ATP6V0A2: variants seen among roughly 807,000 people sequenced by gnomAD.
ATP6V0A2 encodes ATPase H+ transporting V0 subunit a2, also known as V-type proton ATPase 116 kDa subunit a 2.
ATP6V0A2 carries 58 observed loss-of-function variants against 104.4 expected under a neutral mutation model. The observed-to-expected ratio is 0.56, with a 90% CI of 0.45 to 0.69. The LOEUF (loss-of-function observed/expected upper bound fraction) is 0.69, where lower values mean the gene tolerates loss of function less well. ATP6V0A2 is among the 30% of genes least tolerant of loss of function. ATP6V0A2 has a pLI of 0.00. For missense variants in ATP6V0A2, 938 were observed against 1,062.9 expected (o/e 0.88, Z 1.63); for synonymous variants, 376 against 397.9 (o/e 0.95, Z 0.65).
chr12:123,756,968 A>G lies in ATP6V0A2; in HGVS notation c.2447A>G (p.His816Arg). Residue 816 changes from histidine (H) to arginine (R), a missense_variant, in exon 19 of 20, where the codon CAC becomes CGC. His to Arg is a conservative substitution (Grantham distance 29). Coordinates refer to ENST00000330342, the MANE Select transcript of ATP6V0A2 (RefSeq NM_012463.4). ...LIMEGLSAFLHAIRLHWVEFQ... is the reference protein window; with the variant it reads ...LIMEGLSAFLRAIRLHWVEFQ... ...ATGGAAGGGCTTTCTGCGTTTCTTC[A>G]CGCCATACGCCTCCACTGGTGAGTT... 1 of 1,613,982 alleles carries G rather than the reference A, an allele frequency of 6.2e-7. No individual in the cohort carries two copies. Among genetic ancestry groups the G allele is most frequent in the Non-Finnish European group, 8.5e-7 (1 of 1,180,018 alleles).
intron 6 of ATP6V0A2, chr12:123,731,419 C>G (rs1416420865): frequency 1.3e-5 from 2 of 152,228 alleles, no homozygotes; most frequent in African/African-American, 4.8e-5. Flanking sequence ...GCTGACCATT[C>G]TCTCTGCATC....
At position 123,712,591 on chromosome 12, in the gene ATP6V0A2, C is replaced by T. The variant is rs752689489; in HGVS notation, c.26C>T (p.Thr9Ile). 56 of 1,600,870 alleles carry T rather than the reference C, an allele frequency of 3.5e-5. No individual in the cohort carries two copies. The highest frequency in any genetic ancestry group is 4.3e-5 in the Non-Finnish European group (51 of 1,175,436). MGSLFRSE[T>I]MCLAQLFLQS... ...ATGGGGTCCCTGTTCCGGAGCGAGA[C>T]CATGTGCCTGGCGCAGCTCTTCCTG... is the stretch of plus-strand genomic sequence containing the variant. Residue 9 changes from threonine to isoleucine, a missense_variant, in exon 1 of 20, where the codon ACC (threonine) becomes ATC (isoleucine). Coordinates refer to ENST00000330342, the MANE Select transcript of ATP6V0A2 (RefSeq NM_012463.4).
Position 123,718,622 on chromosome 12 carries a change from G to C in ATP6V0A2, c.118-1G>C. On this transcript the variant is annotated splice_acceptor_variant, in intron 1 of 19. Coordinates refer to ENST00000330342, the MANE Select transcript of ATP6V0A2 (RefSeq NM_012463.4). LOFTEE classifies it high-confidence loss of function. The stretch of plus-strand genomic sequence containing the variant: ...AACCATATTTTTCATCCTTTTCTCA[G>C]CTCAACCAGAACGTAAGTTCTTTCC... The C allele has an allele frequency of 1.2e-6, 2 of 1,609,104 alleles. No homozygotes were observed. The highest frequency in any genetic ancestry group is 2.7e-5 in the African/African-American group (2 of 74,924).
intron 2 of ATP6V0A2, among the ~76,000 whole-genome samples, chr12:123,719,975 A>G (rs1956383143): frequency 6.6e-6 from 1 of 152,062 alleles, no homozygotes; most frequent in African/African-American, 2.4e-5. Flanking sequence ...TCATTTTGTA[A>G]GTTCAGGGCT....
At position 123,743,460 on chromosome 12, in the gene ATP6V0A2, C is replaced by A. The variant is rs554512047; in HGVS notation, c.1039-325C>A. On this transcript the variant is annotated intron_variant, in intron 9 of 19. Coordinates refer to ENST00000330342, the MANE Select transcript of ATP6V0A2 (RefSeq NM_012463.4). Reference sequence around the variant, plus strand: ...CCTGAGGTCGGGAGTTCGAGACCAGCCTGACCTACATGGAGAAACCCCGTC... The same window carrying A: ...CCTGAGGTCGGGAGTTCGAGACCAGACTGACCTACATGGAGAAACCCCGTC... Among the ~76,000 whole-genome samples, 2 of 151,972 alleles carry A rather than the reference C, an allele frequency of 1.3e-5. 1 individual carries two copies. The highest frequency in any genetic ancestry group is 4.2e-4 in the South Asian group (2 of 4,812).
At chr12:123,752,048 C>T (rs552891932) in intron 16 of ATP6V0A2, among the ~76,000 whole-genome samples, 7 of 151,992 alleles carry the variant, frequency 4.6e-5, no homozygotes, top group South Asian at 4.2e-4. Context: ...TTGTAAAAGA[C>T]GGGGTTTTGC....
In ATP6V0A2 at chr12:123,751,055, C is replaced by G. The variant is rs1391692292; in HGVS notation, c.1936-55C>G. On this transcript the variant is annotated intron_variant, in intron 15 of 19. Transcript: ENST00000330342. ...TCCTGATTTCATCGTGTGCTGCTGACCCTGCAGGCAGGCCTTCACGTTTTA... is the reference window on the plus strand; with the variant it reads ...TCCTGATTTCATCGTGTGCTGCTGAGCCTGCAGGCAGGCCTTCACGTTTTA... The G allele has an allele frequency of 6.8e-6, 11 of 1,612,120 alleles. No homozygotes were observed. In the East Asian group the frequency reaches 2.5e-4, roughly 36 times the overall value.
At chr12:123,745,039 G>A (rs549157052) in intron 13 of ATP6V0A2, 67 bp downstream of exon 13, 5 of 1,464,638 alleles carry the variant, frequency 3.4e-6, no homozygotes, top group East Asian at 4.5e-5. Flanking sequence ...CGGGCGCCAC[G>A]AGTTTCTCTA....
intron 19 of ATP6V0A2, among the ~76,000 whole-genome samples, chr12:123,757,517 C>T (rs1036297406): frequency 1.4e-4 from 22 of 152,170 alleles, no homozygotes; most frequent in African/African-American, 3.6e-4. Context: ...AGAATACTAA[C>T]GTATGTTTCA....
chr12:123,734,896 C>G (rs1361768433), intron 7 of ATP6V0A2, among the ~76,000 whole-genome samples: 1 of 152,092 alleles, frequency 6.6e-6, no homozygotes, highest in East Asian at 1.9e-4. Context: ...CTCAGCAAAC[C>G]CATGATTTCA....
intron 18 of ATP6V0A2, 129 bp downstream of exon 18, chr12:123,754,666 C>A (rs1234373183): frequency 5.9e-5 from 42 of 711,694 alleles, no homozygotes; most frequent in Non-Finnish European, 9.9e-5. Context: ...CGTGAACTTA[C>A]ACTATTCACT....
intron 9 of ATP6V0A2, among the ~76,000 whole-genome samples, chr12:123,740,397 G>A (rs528749875): frequency 3.9e-4 from 59 of 152,156 alleles, no homozygotes; most frequent in Non-Finnish European, 8.1e-4. Flanking sequence ...TTTTAGTAGC[G>A]ATGGGGTTTC....
In ATP6V0A2 at chr12:123,760,153, G is replaced by GATATTCAC. The variant is rs1286376883; in HGVS notation, c.*2122_*2129dup. Reference sequence around the variant, plus strand: ...TAGCTGATTGGTAAATAAGGGACACGATATTCACGGGAATTGTTTACTGCT... The same window carrying GATATTCAC: ...TAGCTGATTGGTAAATAAGGGACACGATATTCACATATTCACGGGAATTGTTTACTGCT... On this transcript the variant is annotated 3_prime_UTR_variant, in exon 20 of 20. Coordinates refer to ENST00000330342, the MANE Select transcript of ATP6V0A2 (RefSeq NM_012463.4). The GATATTCAC allele has an allele frequency of 2.6e-5, 4 of 151,944 alleles. No individual in the cohort carries two copies. Among genetic ancestry groups the GATATTCAC allele is most frequent in the African/African-American group, 9.7e-5 (4 of 41,190 alleles). The allele number at this position is 151,944 out of a possible 1,614,324, so 9.4% of individuals were successfully genotyped here.
At chr12:123,730,044 C>CT (rs776847603) in intron 6 of ATP6V0A2, among the ~76,000 whole-genome samples, 1,070 of 70,290 alleles carry the variant, frequency 0.015, 165 homozygotes, top group African/African-American at 0.056. Context: ...GGAGTTAGGT[C>CT]TTTTTTTTTT....
At chr12:123,750,932 A>G (rs944846542) in intron 15 of ATP6V0A2, 178 bp from the exon 16 acceptor site, 2 of 734,278 alleles carry the variant, frequency 2.7e-6, no homozygotes, top group Non-Finnish European at 4.6e-6. Context: ...CATCAGTTCT[A>G]GAATTCAGCT....
intron 1 of ATP6V0A2, 130 bp downstream of exon 1, chr12:123,712,812 G>A (rs1956305911): frequency 2.4e-6 from 2 of 842,628 alleles, no homozygotes; most frequent in Non-Finnish European, 3.9e-6. Context: ...AGACGGGGAA[G>A]ATGACACCCC....
chr12:123,720,154 AT>A (rs890276352), intron 2 of ATP6V0A2, among the ~76,000 whole-genome samples: 1 of 151,696 alleles, frequency 6.6e-6, no homozygotes, highest in Non-Finnish European at 1.5e-5. Context: ...CACCCGGCCT[AT>A]TTTTTTTAAA....
At chr12:123,717,221 A>G (rs1956350316) in intron 1 of ATP6V0A2, among the ~76,000 whole-genome samples, 1 of 150,832 alleles carries the variant, frequency 6.6e-6, no homozygotes, top group South Asian at 2.1e-4. Context: ...AGGCTGAGGC[A>G]GGAGAATCGC....
rs761563956 is a variant in ATP6V0A2, at chr12:123,726,236, G to T, written c.472G>T (p.Asp158Tyr). ...TYEEFPSLES[D>Y]SLLDYSCMQR... ...TGAAGAATTCCCTTCCTTAGAGAGT[G>T]ATTCTTTGTTGGATTACAGCTGTAT... is the stretch of plus-strand genomic sequence containing the variant. Residue 158 changes from aspartate (D) to tyrosine (Y), a missense_variant, in exon 5 of 20, where the codon GAT becomes TAT. By Grantham distance (160) the Asp-to-Tyr change is radical. Coordinates refer to ENST00000330342, the MANE Select transcript of ATP6V0A2 (RefSeq NM_012463.4). 1.2e-6 allele frequency: 2 copies of T among 1,613,740 alleles called. No homozygotes were observed. Among genetic ancestry groups the T allele is most frequent in the African/African-American group, 1.3e-5 (1 of 74,998 alleles).
Sources: allele counts gnomAD v4.1 joint callset (sites outside exome capture counted in the v4.1 genomes callset), GRCh38; gene constraint gnomAD v4.1.1; transcripts MANE v1.5; gene names NCBI Gene and HGNC (gene_info 2026-07-23, HGNC 2026-07-21).